ANKRD11: variants seen among roughly 807,000 people sequenced by gnomAD.
ANKRD11 encodes ankyrin repeat domain 11.
A neutral mutation model predicts 195.7 loss-of-function variants in ANKRD11; 17 were observed. That is an observed-to-expected ratio of 0.09 (90% CI 0.06 to 0.13). The LOEUF is 0.13. ANKRD11 is among the 10% of genes least tolerant of loss of function. ANKRD11 has a pLI of 1.00. For missense variants in ANKRD11, 3,735 were observed against 3,566.1 expected (o/e 1.05, Z -1.21); for synonymous variants, 1,953 against 1,528.1 (o/e 1.28, Z -6.49).
intron 2 of ANKRD11, among the ~76,000 whole-genome samples, chr16:89,416,587 T>C (rs1013261547): frequency 2.6e-5 from 4 of 151,500 alleles, no homozygotes; most frequent in Non-Finnish European, 5.9e-5. Context: ...CGTGAGCCAC[T>C]GTGCCTGGCC....
intron 11 of ANKRD11, 157 bp from the exon 12 acceptor site, chr16:89,271,066 G>T: frequency 1.4e-6 from 1 of 718,980 alleles, no homozygotes; most frequent in Non-Finnish European, 2.5e-6. Context: ...TCAAGGCATG[G>T]CAGGCGCACC....
At chr16:89,430,447 C>G (rs893772410) in intron 1 of ANKRD11, among the ~76,000 whole-genome samples, 6 of 148,720 alleles carry the variant, frequency 4.0e-5, no homozygotes, top group Admixed American at 1.3e-4. Context: ...TCAACTCTCA[C>G]GCTCAGTCGT....
rs181943192 is a variant in ANKRD11, at chr16:89,465,653, C to T, written c.-145+24592G>A. Reference sequence around the variant, plus strand: ...GACTCCCATGTACTCCTGCACGTCACGTGGACGAGCTAAAGAAGACTCCTC... The same window carrying T: ...GACTCCCATGTACTCCTGCACGTCATGTGGACGAGCTAAAGAAGACTCCTC... On this transcript the variant is annotated intron_variant, in intron 1 of 12. Transcript: ENST00000301030. Among the ~76,000 whole-genome samples the T allele has an allele frequency of 3.3e-5, 5 of 152,324 alleles. No individual in the cohort carries two copies. In the East Asian group the frequency reaches 5.8e-4, roughly 18 times the overall value.
chr16:89,354,207 A>C (rs907941718), intron 2 of ANKRD11, among the ~76,000 whole-genome samples: 1 of 150,964 alleles, frequency 6.6e-6, no homozygotes, highest in African/African-American at 2.4e-5. Context: ...CATTTTCACA[A>C]ATTTTACATA....
intron 4 of ANKRD11, chr16:89,300,480 T>C (rs2035781669): frequency 4.7e-6 from 1 of 212,448 alleles, no homozygotes; most frequent in African/African-American, 2.4e-5. Context: ...TGGCCCCTGC[T>C]GCACTCTGCT....
intron 1 of ANKRD11, among the ~76,000 whole-genome samples, chr16:89,463,957 C>T (rs1004583189): frequency 3.3e-5 from 5 of 152,190 alleles, no homozygotes; most frequent in African/African-American, 7.2e-5. Flanking sequence ...ACAACGCTAA[C>T]GCCAGGCACA....
At chr16:89,334,887 T>G in intron 2 of ANKRD11, among the ~76,000 whole-genome samples, 1 of 152,066 alleles carries the variant, frequency 6.6e-6, no homozygotes, top group Admixed American at 6.5e-5. Context: ...GACACGAGTG[T>G]GTCTGCTGTG....
chr16:89,323,370 A>G (rs1202527006), intron 2 of ANKRD11: 2 of 1,281,528 alleles, frequency 1.6e-6, no homozygotes, highest in Admixed American at 4.6e-5. Context: ...CTCACCTCTC[A>G]CCATCTCAGT....
intron 1 of ANKRD11, among the ~76,000 whole-genome samples, chr16:89,460,946 G>A (rs1023749549): frequency 2.1e-5 from 3 of 139,896 alleles, no homozygotes; most frequent in Non-Finnish European, 4.6e-5. Flanking sequence ...ATTCATAAGA[G>A]AAGAAAGGAC....
intron 3 of ANKRD11, among the ~76,000 whole-genome samples, chr16:89,313,149 G>C (rs1041002528): frequency 1.3e-5 from 2 of 152,188 alleles, no homozygotes; most frequent in Admixed American, 6.5e-5. Context: ...CTGCTCGTCG[G>C]AGGACACACT....
chr16:89,411,666 A>T (rs1194393268), intron 2 of ANKRD11, among the ~76,000 whole-genome samples: 1 of 152,142 alleles, frequency 6.6e-6, no homozygotes, highest in Non-Finnish European at 1.5e-5. Flanking sequence ...CTCCCACCTC[A>T]GCCTCCCAGA....
rs935916129 is a variant in ANKRD11 at position 89,399,602 on chromosome 16, G to A, written c.-60+18682C>T. On this transcript the variant is annotated intron_variant, in intron 2 of 12. Coordinates refer to ENST00000301030, the MANE Select transcript of ANKRD11 (RefSeq NM_013275.6). Reference sequence around the variant, plus strand: ...CAACGGTGGGTCCACATCAGGATACGTTCATCCAACCATAGACTGCACAGC... The same window carrying A: ...CAACGGTGGGTCCACATCAGGATACATTCATCCAACCATAGACTGCACAGC... 8.5e-5 allele frequency among the ~76,000 whole-genome samples: 13 copies of A among 152,064 alleles called. 1 individual carries two copies. The South Asian group carries it at 2.1e-3, about 24-fold the overall frequency.
chr16:89,301,524 C>A (rs180992509), intron 4 of ANKRD11: 461 of 398,894 alleles, frequency 1.2e-3, no homozygotes, highest in African/African-American at 8.7e-3. Context: ...TCTGAGAGGG[C>A]TCGGTGGGCA....
In ANKRD11 at chr16:89,455,541, A is replaced by C. The variant is rs527503352; in HGVS notation, c.-145+34704T>G. ...TCACTCCTTCCAACACTGCATGAGTAAGCTGCAAAAACTGTCAGAATCAAC... is the reference window on the plus strand; with the variant it reads ...TCACTCCTTCCAACACTGCATGAGTCAGCTGCAAAAACTGTCAGAATCAAC... On this transcript the variant is annotated intron_variant, in intron 1 of 12. Coordinates refer to ENST00000301030, the MANE Select transcript of ANKRD11 (RefSeq NM_013275.6). 4.1e-4 allele frequency among the ~76,000 whole-genome samples: 63 copies of C among 152,270 alleles called. 1 individual carries two copies. Among genetic ancestry groups the C allele is most frequent in the African/African-American group, 1.5e-3 (61 of 41,548 alleles).
chr16:89,485,411 T>G lies in ANKRD11; in HGVS notation c.-145+4834A>C, dbSNP rs559866339. Among the ~76,000 whole-genome samples the G allele has an allele frequency of 3.3e-5, 5 of 152,002 alleles. No individual in the cohort carries two copies. In the South Asian group the frequency reaches 1.0e-3, roughly 32 times the overall value. ...CGGGAGGCTGAGGCAGAAGAATCAC[T>G]TGAATCCGGGAGGCAGAGGTTGCTA... On this transcript the variant is annotated intron_variant, in intron 1 of 12. Transcript: ENST00000301030.
intron 11 of ANKRD11, among the ~76,000 whole-genome samples, chr16:89,273,689 C>T (rs1597406080): frequency 6.7e-6 from 1 of 150,100 alleles, no homozygotes; most frequent in East Asian, 1.9e-4. Context: ...GAGCGAGACT[C>T]CGTCACAAAA....
chr16:89,468,331 A>C (rs1371231893), intron 1 of ANKRD11, among the ~76,000 whole-genome samples: 1 of 152,198 alleles, frequency 6.6e-6, no homozygotes, highest in Non-Finnish European at 1.5e-5. Flanking sequence ...CAGCTCCTCC[A>C]ATCATGAGGT....
chr16:89,370,458 C>T (rs1045715755), intron 2 of ANKRD11, among the ~76,000 whole-genome samples: 3 of 152,166 alleles, frequency 2.0e-5, no homozygotes, highest in Non-Finnish European at 4.4e-5. Flanking sequence ...TGGCAAATGG[C>T]TCCTGCAAGA....
At chr16:89,278,925 G>A (rs1007593663) in intron 9 of ANKRD11, 147 bp downstream of exon 9, 3 of 1,308,024 alleles carry the variant, frequency 2.3e-6, no homozygotes, top group African/African-American at 1.5e-5. Context: ...CACAGCAGAA[G>A]TGGGGCTGTG....
Sources: gnomAD v4.1 joint callset for allele counts (sites outside exome capture counted in the v4.1 genomes callset) on GRCh38, gnomAD v4.1.1 for gene constraint, MANE v1.5 for transcripts, NCBI Gene and HGNC (gene_info 2026-07-23, HGNC 2026-07-21) for gene names.